The following PALLD variants were observed in gnomAD, a reference collection of about 807,000 sequenced individuals.
PALLD encodes the protein palladin, cytoskeletal associated protein.
Under a neutral mutation model 123.5 loss-of-function variants are expected in PALLD, and 61 were observed. The ratio of observed to expected loss-of-function variants is 0.49; its 90% confidence interval spans 0.40 to 0.61. The LOEUF is 0.61. Ranked by LOEUF, PALLD falls within the 20% of genes least tolerant of loss-of-function variation. The pLI is 0.00. For missense variants in PALLD, 1,273 were observed against 1,377.0 expected (o/e 0.92, Z 1.20); for synonymous variants, 465 against 496.4 (o/e 0.94, Z 0.84).
At chr4:168,782,219 G>T (rs1736023294) in intron 10 of PALLD, among the ~76,000 whole-genome samples, 1 of 152,208 alleles carries the variant, frequency 6.6e-6, no homozygotes, top group Non-Finnish European at 1.5e-5. Flanking sequence ...TTCACGAAAA[G>T]AAACTTTTCA....
intron 10 of PALLD, among the ~76,000 whole-genome samples, chr4:168,822,483 C>G (rs1742866434): frequency 1.3e-5 from 2 of 152,152 alleles, no homozygotes; most frequent in South Asian, 4.1e-4. Flanking sequence ...GTGTCCGGAG[C>G]TGAATGAGAA....
At chr4:168,921,087 A>G (rs1050014016) in intron 17 of PALLD, among the ~76,000 whole-genome samples, 5 of 152,246 alleles carry the variant, frequency 3.3e-5, no homozygotes, top group Admixed American at 3.3e-4. Flanking sequence ...GTTTTAAGCA[A>G]AAGAGTAACA....
chr4:168,631,895 CA>C (rs1167523523), intron 2 of PALLD: 8 of 985,286 alleles, frequency 8.1e-6, no homozygotes, highest in Non-Finnish European at 9.6e-6. Flanking sequence ...GTTTTGCGCC[CA>C]ACTGGTAAGT....
chr4:168,645,117 A>G (rs1777318637), intron 2 of PALLD, among the ~76,000 whole-genome samples: 1 of 151,800 alleles, frequency 6.6e-6, no homozygotes, highest in African/African-American at 2.4e-5. Context: ...AAAAAAGGAA[A>G]TAGGGAGAAA....
At chr4:168,891,398 C>T (rs1581934978) in intron 11 of PALLD, among the ~76,000 whole-genome samples, 1 of 152,098 alleles carries the variant, frequency 6.6e-6, no homozygotes, top group East Asian at 1.9e-4. Flanking sequence ...AGAGCTCAGG[C>T]GATCTGCCCG....
intron 10 of PALLD, among the ~76,000 whole-genome samples, chr4:168,889,667 G>C (rs28421942): frequency 0.16 from 24,974 of 152,016 alleles, 2,551 homozygotes; most frequent in African/African-American, 0.29. Context: ...CTGAGTTAAT[G>C]ATTCTCTTCT....
intron 10 of PALLD, among the ~76,000 whole-genome samples, chr4:168,753,047 A>G (rs1175743051): frequency 1.3e-5 from 2 of 152,220 alleles, no homozygotes; most frequent in Non-Finnish European, 2.9e-5. Context: ...ACAATGGCAA[A>G]GCGAACAAGC....
chr4:168,554,518 C>T (rs568723565), intron 2 of PALLD, among the ~76,000 whole-genome samples: 1 of 152,310 alleles, frequency 6.6e-6, no homozygotes, highest in African/African-American at 2.4e-5. Context: ...TTCATAGTCT[C>T]ACAGCAATGC....
At chr4:168,855,207 C>T (rs1748426820) in intron 10 of PALLD, among the ~76,000 whole-genome samples, 1 of 151,102 alleles carries the variant, frequency 6.6e-6, no homozygotes, top group Non-Finnish European at 1.5e-5. Context: ...TCTCCTGCCT[C>T]AGCCTCCAAA....
intron 2 of PALLD, among the ~76,000 whole-genome samples, chr4:168,616,873 A>C (rs1371170571): frequency 6.6e-6 from 1 of 152,066 alleles, no homozygotes; most frequent in Non-Finnish European, 1.5e-5. Flanking sequence ...TTACCCCAAG[A>C]CCAGCTTTGC....
chr4:168,727,586 T>C (rs1786723795), intron 10 of PALLD, among the ~76,000 whole-genome samples: 2 of 152,188 alleles, frequency 1.3e-5, no homozygotes, highest in South Asian at 4.1e-4. Context: ...TGATTTAAGT[T>C]CCTTATAGGT....
chr4:168,603,838 C>G (rs1772911953), intron 2 of PALLD, among the ~76,000 whole-genome samples: 2 of 152,042 alleles, frequency 1.3e-5, no homozygotes, highest in Non-Finnish European at 2.9e-5. Context: ...TTGGATGAAA[C>G]AAAAATTAAA....
intron 10 of PALLD, among the ~76,000 whole-genome samples, chr4:168,800,138 C>T (rs932630757): frequency 6.6e-6 from 1 of 152,118 alleles, no homozygotes; most frequent in African/African-American, 2.4e-5. Context: ...ATAAATAATA[C>T]TTGCTAACTT....
chr4:168,813,105 T>TGG lies in PALLD; in HGVS notation c.1965-77810_1965-77809dup, dbSNP rs11405937. 1.6e-3 allele frequency among the ~76,000 whole-genome samples: 248 copies of TGG among 151,228 alleles called. 1 individual carries two copies. Among genetic ancestry groups the TGG allele is most frequent in the South Asian group, 4.6e-3 (22 of 4,752 alleles). On this transcript the variant is annotated intron_variant, in intron 10 of 21. Transcript: ENST00000505667. ...TTCTTTCTTTTGAAAAACGTACTTT[T>TGG]GGGGGGGGCGGAAATGAATTTGAAT... is the stretch of plus-strand genomic sequence containing the variant.
At chr4:168,788,541 T>TGG (rs1239205041) in intron 10 of PALLD, among the ~76,000 whole-genome samples, 1 of 152,156 alleles carries the variant, frequency 6.6e-6, no homozygotes, top group African/African-American at 2.4e-5. Flanking sequence ...GGTACTGTGA[T>TGG]GGGGGATCCC....
chr4:168,798,393 T>C (rs1738824857), intron 10 of PALLD, among the ~76,000 whole-genome samples: 1 of 152,200 alleles, frequency 6.6e-6, no homozygotes, highest in Non-Finnish European at 1.5e-5. Context: ...TTTGCAAGTG[T>C]CATTTTCTGA....
At chr4:168,874,314 T>C (rs1237069519) in intron 10 of PALLD, among the ~76,000 whole-genome samples, 1 of 152,210 alleles carries the variant, frequency 6.6e-6, no homozygotes, top group East Asian at 1.9e-4. Flanking sequence ...AATCTAGTGG[T>C]AGGAGAGATG....
chr4:168,610,884 A>G (rs1237473168), intron 2 of PALLD, among the ~76,000 whole-genome samples: 2 of 152,144 alleles, frequency 1.3e-5, no homozygotes, highest in Admixed American at 1.3e-4. Context: ...TCTTTTCTCC[A>G]TGGGTACAGG....
intron 2 of PALLD, among the ~76,000 whole-genome samples, chr4:168,562,024 G>C (rs908773184): frequency 6.6e-6 from 1 of 151,824 alleles, no homozygotes; most frequent in Admixed American, 6.6e-5. Context: ...TCTCATAACA[G>C]CTGGATTATT....
Sources: allele counts gnomAD v4.1 joint callset (sites outside exome capture counted in the v4.1 genomes callset), GRCh38; gene constraint gnomAD v4.1.1; transcripts MANE v1.5; gene names NCBI Gene and HGNC (gene_info 2026-07-23, HGNC 2026-07-21).